MAPK8: variants seen among roughly 807,000 people sequenced by gnomAD.
The protein encoded by MAPK8 is mitogen-activated protein kinase 8.
Under a neutral mutation model 52.9 loss-of-function variants are expected in MAPK8, and 13 were observed. The ratio of observed to expected loss-of-function variants is 0.25; its 90% CI spans 0.16 to 0.39. MAPK8 has a LOEUF of 0.39. MAPK8 is among the 10% of genes least tolerant of loss of function. The pLI, the probability that MAPK8 is intolerant of heterozygous loss-of-function variation, is 1.00. For synonymous variants in MAPK8, 191 were observed against 169.8 expected (o/e 1.12, Z -0.97); for missense variants, 300 against 519.2 (o/e 0.58, Z 4.10).
At position 48,409,974 on chromosome 10, in the gene MAPK8, A is replaced by G. The variant is rs3730158; in HGVS notation, c.311+37A>G. 95,609 of 1,607,790 alleles carry G rather than the reference A, an allele frequency of 0.059. 5,232 individuals are homozygous for G. The highest frequency in any genetic ancestry group is 0.25 in the Admixed American group (15,027 of 59,074). On this transcript the variant is annotated intron_variant, in intron 4 of 11. Transcript: ENST00000374189. ...AATTAAAATTTTGTTAAGTTAGTAC[A>G]TTTTTCTTAGATTGCTGCTGGACAC...
chr10:48,371,945 G>C (rs1025312199), intron 1 of MAPK8, among the ~76,000 whole-genome samples: 22 of 152,092 alleles, frequency 1.4e-4, no homozygotes, highest in African/African-American at 4.8e-4. Flanking sequence ...GAACAGACAA[G>C]ATGCATAACA....
Position 48,426,444 on chromosome 10 carries a change from A to G in MAPK8, c.936A>G (p.Val312=), listed in dbSNP as rs1458198406. 2 of 1,611,912 alleles carry G rather than the reference A, an allele frequency of 1.2e-6. No homozygotes were observed. Among genetic ancestry groups the G allele is most frequent in the African/African-American group, 2.7e-5 (2 of 74,962 alleles). ...TAGATGCATCTAAAAGGATCTCTGTAGATGAAGCTCTCCAACACCCGTACA... is the reference window on the plus strand; with the variant it reads ...TAGATGCATCTAAAAGGATCTCTGTGGATGAAGCTCTCCAACACCCGTACA... The part of the protein sequence containing the change: ...LVIDASKRIS[V]DEALQHPYIN... The change falls in exon 9 of 12, where the codon GTA becomes GTG. Residue 312 remains valine, a synonymous_variant. Coordinates refer to ENST00000374189, the MANE Select transcript of MAPK8 (RefSeq NM_001323329.2).
intron 3 of MAPK8, among the ~76,000 whole-genome samples, chr10:48,407,773 C>G (rs921813799): frequency 6.6e-6 from 1 of 152,122 alleles, no homozygotes. Context: ...CTGTCATTCC[C>G]CTACCTCCCA....
At chr10:48,313,590 TTAAAA>T (rs1397722751) in intron 1 of MAPK8, among the ~76,000 whole-genome samples, 2 of 152,284 alleles carry the variant, frequency 1.3e-5, no homozygotes, top group African/African-American at 2.4e-5. Context: ...TAAACTTATT[TTAAAA>T]ACGTATTTTT....
At chr10:48,413,517 T>G (rs75737966) in intron 5 of MAPK8, among the ~76,000 whole-genome samples, 26,209 of 151,974 alleles carry the variant, frequency 0.17, 2,740 homozygotes, top group South Asian at 0.29. Flanking sequence ...TGCCATTTTC[T>G]TGGTTCTGAG....
At chr10:48,425,486 T>C (rs2043623035) in intron 7 of MAPK8, 1 of 372,398 alleles carries the variant, frequency 2.7e-6, no homozygotes, top group South Asian at 9.2e-5. Context: ...AAATATTGTC[T>C]AGGAGATATA....
At chr10:48,359,997 T>G (rs1012766456) in intron 1 of MAPK8, among the ~76,000 whole-genome samples, 1 of 152,018 alleles carries the variant, frequency 6.6e-6, no homozygotes, top group Non-Finnish European at 1.5e-5. Context: ...CAACACATAA[T>G]TGAGAAAGGA....
chr10:48,379,398 A>C (rs2040855932), intron 1 of MAPK8, among the ~76,000 whole-genome samples: 1 of 152,216 alleles, frequency 6.6e-6, no homozygotes, highest in Non-Finnish European at 1.5e-5. Flanking sequence ...CCTTGGTACA[A>C]TAACCAGTGT....
Position 48,419,502 on chromosome 10 carries a change from CAGT to C in MAPK8, c.451-648_451-646del, listed in dbSNP as rs370171713. Among the ~76,000 whole-genome samples the C allele has an allele frequency of 3.5e-3, 531 of 152,264 alleles. 4 individuals are homozygous for C. Among genetic ancestry groups the C allele is most frequent in the African/African-American group, 0.012 (518 of 41,544 alleles). ...GCCAGGTGAAAAATTCTGAATTATT[CAGT>C]AGTATCTATAGCAAGTAATTTTATA... is the stretch of plus-strand genomic sequence containing the variant. On this transcript the variant is annotated intron_variant, in intron 5 of 11. Coordinates refer to ENST00000374189, the MANE Select transcript of MAPK8 (RefSeq NM_001323329.2).
intron 1 of MAPK8, among the ~76,000 whole-genome samples, chr10:48,384,238 C>T (rs780841200): frequency 1.3e-5 from 2 of 151,690 alleles, no homozygotes; most frequent in Admixed American, 6.6e-5. Flanking sequence ...GGCGACAGAG[C>T]GAGACAGTCT....
At chr10:48,420,586 T>A (rs1254801487) in intron 6 of MAPK8, among the ~76,000 whole-genome samples, 1 of 152,162 alleles carries the variant, frequency 6.6e-6, no homozygotes, top group Non-Finnish European at 1.5e-5. Flanking sequence ...GAGACAGAAT[T>A]TATGCTCTTT....
chr10:48,317,804 T>C (rs1026870940), intron 1 of MAPK8, among the ~76,000 whole-genome samples: 1 of 152,166 alleles, frequency 6.6e-6, no homozygotes, highest in Non-Finnish European at 1.5e-5. Context: ...GTTTGCTCAA[T>C]GAAGCATGAG....
At chr10:48,313,526 T>G (rs1026593255) in intron 1 of MAPK8, among the ~76,000 whole-genome samples, 1 of 145,318 alleles carries the variant, frequency 6.9e-6, no homozygotes, top group Non-Finnish European at 1.5e-5. Context: ...TGAATAAAGA[T>G]TATAAAATCT....
rs146916293 is a variant in MAPK8, at chr10:48,435,347, T to A, written c.*318T>A. On this transcript the variant is annotated 3_prime_UTR_variant, in exon 12 of 12. Coordinates refer to ENST00000374189, the MANE Select transcript of MAPK8 (RefSeq NM_001323329.2). ...ATGCTGCTGATTTTTTTAACTGAAT[T>A]TGTAAGATTTTGTTTATCAAAGCAA... The A allele has an allele frequency of 7.3e-5, 16 of 220,076 alleles. No individual in the cohort carries two copies. The highest frequency in any genetic ancestry group is 6.0e-4 in the East Asian group (6 of 9,942). 13.6% of individuals were successfully genotyped at this position (220,076 alleles called of 1,614,324 possible). A position where few individuals can be genotyped will look rare whatever the true frequency, so the allele number is the denominator to read the frequency against.
intron 1 of MAPK8, among the ~76,000 whole-genome samples, chr10:48,314,361 A>G (rs1000051825): frequency 6.6e-6 from 1 of 152,148 alleles, no homozygotes; most frequent in Non-Finnish European, 1.5e-5. Flanking sequence ...GATACTATCA[A>G]GTTAGAGGGT....
intron 3 of MAPK8, among the ~76,000 whole-genome samples, chr10:48,405,676 G>T (rs1422709024): frequency 6.6e-6 from 1 of 152,164 alleles, no homozygotes; most frequent in African/African-American, 2.4e-5. Context: ...TTCAGTTGAG[G>T]AAATAAACTA....
intron 1 of MAPK8, among the ~76,000 whole-genome samples, chr10:48,317,063 C>T (rs1238504229): frequency 3.9e-5 from 6 of 152,318 alleles, no homozygotes; most frequent in Middle Eastern, 3.4e-3. Flanking sequence ...CCATTTTATA[C>T]ATGAGGAAAC....
chr10:48,427,668 A>T (rs968148371), intron 10 of MAPK8, among the ~76,000 whole-genome samples: 9 of 151,754 alleles, frequency 5.9e-5, no homozygotes, highest in African/African-American at 2.2e-4. Context: ...ATTTTTTTGT[A>T]TTTTTAGTAG....
At chr10:48,348,812 A>G (rs1413881769) in intron 1 of MAPK8, among the ~76,000 whole-genome samples, 1 of 152,094 alleles carries the variant, frequency 6.6e-6, no homozygotes, top group Non-Finnish European at 1.5e-5. Flanking sequence ...GTTTGAAGTC[A>G]GGTAGTGTGA....
Sources: allele counts gnomAD v4.1 joint callset (sites outside exome capture counted in the v4.1 genomes callset), GRCh38; gene constraint gnomAD v4.1.1; transcripts MANE v1.5; gene names NCBI Gene and HGNC (gene_info 2026-07-23, HGNC 2026-07-21).